Variants in LYST observed in about 807,000 individuals in gnomAD.
The protein encoded by LYST is lysosomal-trafficking regulator.
Under a neutral mutation model 413.6 loss-of-function variants are expected in LYST, and 192 were observed. That is an observed-to-expected ratio of 0.46 (90% CI 0.41 to 0.52). The LOEUF is 0.52. Ranked by LOEUF, LYST falls within the 20% of genes least tolerant of loss-of-function variation. The probability of loss-of-function intolerance (pLI) is 0.00; values close to 1 mark genes in which losing one functional copy is unlikely to be tolerated. For missense variants in LYST, 3,815 were observed against 4,499.9 expected, an observed-to-expected ratio of 0.85 and a Z score of 4.35; for synonymous variants, 1,525 against 1,567.3, an observed-to-expected ratio of 0.97 and a Z score of 0.64.
At chr1:235,818,061 TTTCATGATTATTTTTGTCAC>T (rs1386564644) in intron 3 of LYST, among the ~76,000 whole-genome samples, 1 of 152,204 alleles carries the variant, frequency 6.6e-6, no homozygotes, top group Non-Finnish European at 1.5e-5. Flanking sequence ...AAATTTGTCA[TTTCATGATTATTTTTGTCAC>T]TTCATGATTA....
chr1:235,803,551 A>AT (rs1311548131), intron 7 of LYST, among the ~76,000 whole-genome samples: 1 of 152,170 alleles, frequency 6.6e-6, no homozygotes, highest in Non-Finnish European at 1.5e-5. Flanking sequence ...AACTGTCTAC[A>AT]TAACAAGCAT....
rs1416647386 is a variant in LYST, at chr1:235,793,444, T to C, written c.4116+59A>G. 16 of 809,282 alleles carry C rather than the reference T, an allele frequency of 2.0e-5. 1 individual carries two copies. Among genetic ancestry groups the C allele is most frequent in the Non-Finnish European group, 3.1e-5 (15 of 483,968 alleles). The allele number at this position is 809,282 out of a possible 1,614,324, so 50.1% of individuals were successfully genotyped here. Reference sequence around the variant, plus strand: ...CTAAATAATTAAAAATACATTCTATTAAAAATTGTAAGTGAAAGAATTTAT... The same window carrying C: ...CTAAATAATTAAAAATACATTCTATCAAAAATTGTAAGTGAAAGAATTTAT... On this transcript the variant is annotated intron_variant, in intron 11 of 52. Transcript: ENST00000389793.
At chr1:235,710,441 G>A (rs966636756) in intron 43 of LYST, among the ~76,000 whole-genome samples, 3 of 152,112 alleles carry the variant, frequency 2.0e-5, no homozygotes, top group African/African-American at 4.8e-5. Context: ...GGGATGGGGT[G>A]CATAAGGGCA....
At position 235,693,513 on chromosome 1, in the gene LYST, T is replaced by A. The variant is rs115441306; in HGVS notation, c.10565-27A>T. On this transcript the variant is annotated intron_variant, in intron 46 of 52. Coordinates refer to ENST00000389793, the MANE Select transcript of LYST (RefSeq NM_000081.4). ...TCAAGGAGAAGGAGAAAGAAAAGTA[T>A]CAGATTGTCACTGCTCGACTGTTAC... 1.4e-5 allele frequency: 22 copies of A among 1,613,546 alleles called. No homozygotes were observed. In the African/African-American group the frequency reaches 2.9e-4, roughly 22 times the overall value.
chr1:235,879,985 C>T (rs369474434), intron 1 of LYST, among the ~76,000 whole-genome samples: 2 of 152,198 alleles, frequency 1.3e-5, no homozygotes, highest in African/African-American at 4.8e-5. Flanking sequence ...GATCTGCCCA[C>T]CTCAGCCTCC....
At chr1:235,698,532 A>C (rs1244536235) in intron 45 of LYST, among the ~76,000 whole-genome samples, 1 of 152,210 alleles carries the variant, frequency 6.6e-6, no homozygotes, top group East Asian at 1.9e-4. Context: ...TTTGTCTAAC[A>C]GTGTTTTTTT....
intron 28 of LYST, 69 bp from the exon 29 acceptor site, chr1:235,746,596 G>A (rs1572134030): frequency 8.3e-7 from 1 of 1,198,792 alleles, no homozygotes; most frequent in Non-Finnish European, 1.2e-6. Flanking sequence ...TATTTTTGCT[G>A]AAATTTTTTG....
chr1:235,774,560 G>A (rs1449469801), intron 18 of LYST, among the ~76,000 whole-genome samples: 3 of 152,154 alleles, frequency 2.0e-5, no homozygotes, highest in Non-Finnish European at 4.4e-5. Context: ...ATGCCTCTAG[G>A]TGCCTAGAGA....
intron 5 of LYST, among the ~76,000 whole-genome samples, chr1:235,807,616 ATATTGATAGGT>A (rs900337786): frequency 3.3e-5 from 5 of 152,212 alleles, no homozygotes; most frequent in African/African-American, 1.2e-4. Flanking sequence ...ACACACGAAG[ATATTGATAGGT>A]TATTTTTGTA....
chr1:235,804,383 T>G (rs1672577488), intron 7 of LYST, 121 bp downstream of exon 7: 2 of 795,468 alleles, frequency 2.5e-6, no homozygotes, highest in South Asian at 2.8e-5. Flanking sequence ...TCCACTGAAC[T>G]CATCTGACCA....
intron 38 of LYST, among the ~76,000 whole-genome samples, chr1:235,726,931 C>A (rs1196742021): frequency 1.3e-5 from 2 of 152,160 alleles, no homozygotes; most frequent in African/African-American, 2.4e-5. Flanking sequence ...AATTCCTTGG[C>A]TGATAAAAGG....
At chr1:235,720,541 G>T in intron 40 of LYST, 120 bp downstream of exon 40, 1 of 957,116 alleles carries the variant, frequency 1.0e-6, no homozygotes, top group East Asian at 2.4e-5. Flanking sequence ...ATAGGTATGT[G>T]GGGTCTTATA....
intron 21 of LYST, 128 bp downstream of exon 21, chr1:235,765,951 T>G: frequency 1.2e-6 from 1 of 804,182 alleles, no homozygotes; most frequent in Admixed American, 1.8e-5. Flanking sequence ...CTCTCTGCCC[T>G]ATCCCAACCC....
chr1:235,732,888 T>C (rs1030780189), intron 34 of LYST, among the ~76,000 whole-genome samples: 1 of 152,222 alleles, frequency 6.6e-6, no homozygotes, highest in African/African-American at 2.4e-5. Flanking sequence ...TTTGTTCTTG[T>C]TATGGTTGTT....
At chr1:235,666,082 T>G (rs190737808) in intron 50 of LYST, among the ~76,000 whole-genome samples, 8 of 152,294 alleles carry the variant, frequency 5.3e-5, no homozygotes, top group Non-Finnish European at 7.4e-5. Flanking sequence ...AAACAATGCT[T>G]CTTTATTTAA....
At chr1:235,881,159 C>T (rs1170507679) in intron 1 of LYST, among the ~76,000 whole-genome samples, 1 of 152,202 alleles carries the variant, frequency 6.6e-6, no homozygotes, top group East Asian at 1.9e-4. Flanking sequence ...AACTTACCAA[C>T]TGGTTATCTT....
intron 7 of LYST, among the ~76,000 whole-genome samples, chr1:235,804,209 T>C (rs1672558321): frequency 1.3e-5 from 2 of 152,226 alleles, no homozygotes. Context: ...ATGTAAAATA[T>C]ACCAAATCAA....
chr1:235,770,725 A>G (rs907298472), intron 19 of LYST, among the ~76,000 whole-genome samples: 1 of 152,230 alleles, frequency 6.6e-6, no homozygotes, highest in African/African-American at 2.4e-5. Flanking sequence ...AGAGCAAATC[A>G]TACTAAATTG....
At chr1:235,876,625 A>G in intron 1 of LYST, among the ~76,000 whole-genome samples, 1 of 152,204 alleles carries the variant, frequency 6.6e-6, no homozygotes, top group East Asian at 1.9e-4. Flanking sequence ...TTCCTGGCAG[A>G]TCGGAATATT....
Sources: gnomAD v4.1 joint callset for allele counts (sites outside exome capture counted in the v4.1 genomes callset) on GRCh38, gnomAD v4.1.1 for gene constraint, MANE v1.5 for transcripts, NCBI Gene and HGNC (gene_info 2026-07-23, HGNC 2026-07-21) for gene names.